DPP10: variants seen among roughly 807,000 people sequenced by gnomAD.
DPP10 encodes the protein inactive dipeptidyl peptidase 10.
In DPP10, 33 loss-of-function variants were observed where a neutral mutation model predicts 120.9. That is an observed-to-expected ratio of 0.27 (90% CI 0.21 to 0.37). The LOEUF is 0.37. DPP10 is among the 10% of genes least tolerant of loss of function. The pLI, the probability that DPP10 is intolerant of heterozygous loss-of-function variation, is 1.00. For missense variants in DPP10, 816 were observed against 942.8 expected (o/e 0.87, Z 1.76); for synonymous variants, 337 against 326.1 (o/e 1.03, Z -0.36).
chr2:115,470,884 T>G (rs567593435), intron 3 of DPP10, among the ~76,000 whole-genome samples: 1 of 152,316 alleles, frequency 6.6e-6, no homozygotes, highest in African/African-American at 2.4e-5. Context: ...ACCTTTCTTA[T>G]TATTTTACTG....
chr2:115,579,840 G>C (rs2081913006), intron 5 of DPP10: 2 of 152,126 alleles, frequency 1.3e-5, no homozygotes, highest in African/African-American at 4.8e-5. Flanking sequence ...AAGCTTCAGT[G>C]TATGTATGTA....
chr2:115,467,677 A>T (rs1023606653), intron 3 of DPP10, among the ~76,000 whole-genome samples: 1 of 152,170 alleles, frequency 6.6e-6, no homozygotes, highest in Admixed American at 6.5e-5. Flanking sequence ...GCAATTTAAT[A>T]TGATGAACTT....
chr2:114,985,514 A>T (rs1232666071), intron 1 of DPP10, among the ~76,000 whole-genome samples: 1 of 152,142 alleles, frequency 6.6e-6, no homozygotes, highest in African/African-American at 2.4e-5. Flanking sequence ...TGTGCACCCT[A>T]CGTTGAGCAA....
At chr2:114,920,978 G>A (rs4630774) in intron 1 of DPP10, among the ~76,000 whole-genome samples, 150,304 of 152,250 alleles carry the variant, frequency 0.99, 74,224 homozygotes, top group East Asian at 1. Flanking sequence ...ACATCCATAT[G>A]TGCTCTTTGT....
At chr2:115,810,478 A>T (rs1448155904) in intron 19 of DPP10, among the ~76,000 whole-genome samples, 1 of 152,200 alleles carries the variant, frequency 6.6e-6, no homozygotes. Flanking sequence ...TCTGTCATTT[A>T]AAAAATCTAT....
At chr2:114,695,959 T>A (rs1012673085) in intron 1 of DPP10, among the ~76,000 whole-genome samples, 1 of 152,108 alleles carries the variant, frequency 6.6e-6, no homozygotes, top group Non-Finnish European at 1.5e-5. Context: ...TTGTTGAAAG[T>A]CTTATAGTAT....
intron 1 of DPP10, among the ~76,000 whole-genome samples, chr2:115,175,301 G>A (rs2053614506): frequency 6.6e-6 from 1 of 152,060 alleles, no homozygotes; most frequent in Non-Finnish European, 1.5e-5. Flanking sequence ...AACAATTTAT[G>A]TCTAACTTGT....
chr2:115,445,283 T>TG (rs754923808), intron 3 of DPP10, among the ~76,000 whole-genome samples: 1 of 151,976 alleles, frequency 6.6e-6, no homozygotes, highest in Admixed American at 6.6e-5. Context: ...GTACCAGAAG[T>TG]GGGGTACTGC....
chr2:115,611,600 C>T (rs1325694279), intron 5 of DPP10, among the ~76,000 whole-genome samples: 1 of 152,072 alleles, frequency 6.6e-6, no homozygotes, highest in African/African-American at 2.4e-5. Context: ...TCTGGATTTC[C>T]TCCGTGCTTC....
At chr2:115,481,899 G>C (rs1295534538) in intron 3 of DPP10, among the ~76,000 whole-genome samples, 3 of 152,038 alleles carry the variant, frequency 2.0e-5, no homozygotes, top group South Asian at 2.1e-4. Context: ...TATATTAGTA[G>C]AGGTAAGGAT....
At chr2:114,651,611 T>G (rs1373506466) in intron 1 of DPP10, among the ~76,000 whole-genome samples, 1 of 152,178 alleles carries the variant, frequency 6.6e-6, no homozygotes, top group Non-Finnish European at 1.5e-5. Context: ...TAAAAACTGG[T>G]TGCATGTTAA....
chr2:115,827,447 T>TA (rs1388130768), intron 21 of DPP10, among the ~76,000 whole-genome samples: 3 of 126,836 alleles, frequency 2.4e-5, no homozygotes, highest in Admixed American at 8.5e-5. Flanking sequence ...TATATATATA[T>TA]GCTCTACAGT....
intron 1 of DPP10, among the ~76,000 whole-genome samples, chr2:114,646,215 C>T (rs7575903): frequency 0.12 from 17,486 of 150,732 alleles, 1,037 homozygotes; most frequent in East Asian, 0.15. Flanking sequence ...GAGAGGGGAT[C>T]AAAAGCACTA....
At chr2:114,526,956 A>G (rs1046417384) in intron 1 of DPP10, among the ~76,000 whole-genome samples, 1 of 152,170 alleles carries the variant, frequency 6.6e-6, no homozygotes, top group Admixed American at 6.5e-5. Flanking sequence ...TTCCAAACTT[A>G]ACTTTTCCTG....
chr2:114,450,878 T>G (rs1678230107), intron 1 of DPP10, among the ~76,000 whole-genome samples: 1 of 152,100 alleles, frequency 6.6e-6, no homozygotes, highest in Admixed American at 6.6e-5. Flanking sequence ...GTAGGGCTTT[T>G]CAGGGGGACT....
chr2:114,487,455 G>A (rs923463985), intron 1 of DPP10, among the ~76,000 whole-genome samples: 5 of 152,090 alleles, frequency 3.3e-5, no homozygotes, highest in Non-Finnish European at 5.9e-5. Flanking sequence ...TAAATGTCAA[G>A]TAAAAATTAA....
intron 1 of DPP10, among the ~76,000 whole-genome samples, chr2:114,742,623 T>C (rs1465731902): frequency 1.3e-5 from 2 of 152,388 alleles, no homozygotes; most frequent in African/African-American, 4.8e-5. Context: ...TCCCATCTTT[T>C]GCACCTTGTT....
chr2:114,847,258 T>C (rs1688616592), intron 1 of DPP10, among the ~76,000 whole-genome samples: 1 of 152,088 alleles, frequency 6.6e-6, no homozygotes, highest in Admixed American at 6.6e-5. Flanking sequence ...ATTTCACACC[T>C]GTTTCGTCTA....
In DPP10 at chr2:115,002,865, A is replaced by T. The variant is rs77282697; in HGVS notation, c.61-306374A>T. Among the ~76,000 whole-genome samples the T allele has an allele frequency of 7.2e-4, 110 of 152,180 alleles. 2 individuals carry two copies. In the East Asian group the frequency reaches 0.018, roughly 24 times the overall value. ...CTATTAAAAAGTCAAAAATTAACAG[A>T]TGCTGGTGATATTACAGAGGAAAGG... On this transcript the variant is annotated intron_variant, in intron 1 of 25. Coordinates refer to ENST00000410059, the MANE Select transcript of DPP10 (RefSeq NM_020868.6).
Sources: allele counts gnomAD v4.1 joint callset (sites outside exome capture counted in the v4.1 genomes callset), GRCh38; gene constraint gnomAD v4.1.1; transcripts MANE v1.5; gene names NCBI Gene and HGNC (gene_info 2026-07-23, HGNC 2026-07-21).